The following C5orf63 variants were observed in gnomAD, a reference collection of about 807,000 sequenced individuals.
C5orf63 encodes chromosome 5 open reading frame 63.
In C5orf63, 18 loss-of-function variants were observed where a neutral mutation model predicts 13.3. The observed-to-expected ratio is 1.36, with a 90% confidence interval of 0.94 to 2.01. The LOEUF is 2.01. C5orf63 is among the 30% of genes most tolerant of loss of function. The pLI is 0.00. For missense variants in C5orf63, 118 were observed against 127.7 expected, an observed-to-expected ratio of 0.92 and a Z score of 0.36; for synonymous variants, 38 against 44.7, an observed-to-expected ratio of 0.85 and a Z score of 0.60.
rs1754549049 is a variant in C5orf63, at chr5:127,071,699, G to A, written c.-109-14C>T. 1 of 152,132 alleles carries A rather than the reference G, an allele frequency of 6.6e-6. No homozygotes were observed. The highest frequency in any genetic ancestry group is 2.1e-4 in the South Asian group (1 of 4,826). The allele number at this position is 152,132 out of a possible 1,614,324, so 9.4% of individuals were successfully genotyped here. On this transcript the variant is annotated splice_polypyrimidine_tract_variant and intron_variant, in intron 1 of 4. Coordinates refer to ENST00000296662, the MANE Select transcript of C5orf63 (RefSeq NM_001164478.2). ...TGATGTACAGTCCTTGAATAAAGCA[G>A]TAGCAAAAATTAGATTTAAATAAGG...
chr5:127,057,791 G>C (rs61544197), intron 3 of C5orf63, among the ~76,000 whole-genome samples: 15,600 of 152,174 alleles, frequency 0.1, 1,295 homozygotes, highest in African/African-American at 0.23. Flanking sequence ...TTTTCATGGT[G>C]TGCATAGTGC....
chr5:127,066,982 A>G (rs1389073702), intron 2 of C5orf63, among the ~76,000 whole-genome samples: 1 of 152,228 alleles, frequency 6.6e-6, no homozygotes, highest in Non-Finnish European at 1.5e-5. Flanking sequence ...GGGCTTGTCT[A>G]GAACAGGGAC....
chr5:127,051,588 C>A lies in C5orf63; in HGVS notation c.*183G>T. 8.0e-7 allele frequency: 1 copy of A among 1,249,830 alleles called. No individual in the cohort carries two copies. Among genetic ancestry groups the A allele is most frequent in the Non-Finnish European group, 1.0e-6 (1 of 997,904 alleles). The allele number at this position is 1,249,830 out of a possible 1,614,324, so 77.4% of individuals were successfully genotyped here. On this transcript the variant is annotated 3_prime_UTR_variant, in exon 5 of 5. Transcript: ENST00000296662. Reference sequence around the variant, plus strand: ...TCTTATTTTATAAAATGCCATTAAGCAAACAGTTCCCACACTGATACTTCC... The same window carrying A: ...TCTTATTTTATAAAATGCCATTAAGAAAACAGTTCCCACACTGATACTTCC...
downstream of C5orf63, among the ~76,000 whole-genome samples, chr5:127,049,150 C>T (rs896940396): frequency 1.3e-5 from 2 of 152,080 alleles, no homozygotes; most frequent in Non-Finnish European, 2.9e-5. Context: ...GGCCAGACAC[C>T]CCTGAGTAGT....
intron 3 of C5orf63, among the ~76,000 whole-genome samples, chr5:127,058,071 T>C (rs888122126): frequency 1.3e-5 from 2 of 152,166 alleles, no homozygotes; most frequent in Admixed American, 6.5e-5. Flanking sequence ...TTATTTTAGG[T>C]TCGGGGGTAC....
chr5:127,044,769 CTT>C (rs5871239), downstream of C5orf63: 9 of 127,884 alleles, frequency 7.0e-5, no homozygotes, highest in East Asian at 2.3e-4. Flanking sequence ...TCATTCTATG[CTT>C]TTTTTTTTTT....
intron 2 of C5orf63, among the ~76,000 whole-genome samples, chr5:127,068,355 G>A (rs148961757): frequency 1.4e-4 from 22 of 152,258 alleles, no homozygotes; most frequent in Admixed American, 7.8e-4. Context: ...CCAGGCAGAA[G>A]TGTAAAGATA....
chr5:127,054,362 A>T (rs1349288864), intron 3 of C5orf63, among the ~76,000 whole-genome samples: 7 of 152,202 alleles, frequency 4.6e-5, no homozygotes, highest in Non-Finnish European at 1.5e-5. Context: ...ACAGCATAAA[A>T]GCGTTCCTGT....
At chr5:127,048,759 C>T (rs998526093), downstream of C5orf63, among the ~76,000 whole-genome samples, 8 of 152,196 alleles carry the variant, frequency 5.3e-5, no homozygotes, top group Admixed American at 3.3e-4. Flanking sequence ...CACACTATAA[C>T]CACATGGTTA....
chr5:127,060,626 ACTTTCCCCTCC>A (rs1278092491), intron 2 of C5orf63, among the ~76,000 whole-genome samples: 5 of 152,246 alleles, frequency 3.3e-5, no homozygotes, highest in African/African-American at 9.6e-5. Context: ...TTCATCTATC[ACTTTCCCCTCC>A]CTTGCCTTGG....
chr5:127,059,737 AAAAAAAG>A (rs1754027536), intron 2 of C5orf63, among the ~76,000 whole-genome samples: 3 of 151,454 alleles, frequency 2.0e-5, no homozygotes, highest in African/African-American at 7.3e-5. Flanking sequence ...TCAAAAAAAA[AAAAAAAG>A]AAAAAGAAAA....
intron 4 of C5orf63, 141 bp from the exon 5 acceptor site, chr5:127,052,088 T>A: frequency 3.1e-6 from 2 of 642,416 alleles, no homozygotes; most frequent in Non-Finnish European, 4.8e-6. Context: ...AGTGATCTAA[T>A]GTCCCTGATT....
At position 127,051,597 on chromosome 5, in the gene C5orf63, C is replaced by T; in HGVS notation, c.*174G>A. 1 of 1,283,274 alleles carries T rather than the reference C, an allele frequency of 7.8e-7. No homozygotes were observed. The highest frequency in any genetic ancestry group is 9.8e-7 in the Non-Finnish European group (1 of 1,017,036). The allele number at this position is 1,283,274 out of a possible 1,614,324, so 79.5% of individuals were successfully genotyped here. On this transcript the variant is annotated 3_prime_UTR_variant, in exon 5 of 5. Transcript: ENST00000296662. ...ATAAAATGCCATTAAGCAAACAGTTCCCACACTGATACTTCCATCAACCAA... is the reference window on the plus strand; with the variant it reads ...ATAAAATGCCATTAAGCAAACAGTTTCCACACTGATACTTCCATCAACCAA...
At chr5:127,067,016 A>G (rs1435288725) in intron 2 of C5orf63, among the ~76,000 whole-genome samples, 1 of 152,208 alleles carries the variant, frequency 6.6e-6, no homozygotes, top group East Asian at 1.9e-4. Flanking sequence ...ACCACAAATC[A>G]GAAGAGATGC....
intron 3 of C5orf63, chr5:127,056,406 T>C (rs1290831475): frequency 6.5e-6 from 1 of 153,148 alleles, no homozygotes; most frequent in Non-Finnish European, 1.5e-5. Flanking sequence ...CAGTTCCACA[T>C]GGCTGGGGAG....
At chr5:127,042,636 A>T (rs1454848692), downstream of C5orf63, 2 of 151,276 alleles carry the variant, frequency 1.3e-5, no homozygotes, top group Admixed American at 6.6e-5. Flanking sequence ...ACCAGTCAGA[A>T]TATTAAAAAA....
intron 3 of C5orf63, chr5:127,058,612 G>A (rs1753978784): frequency 6.5e-6 from 2 of 307,516 alleles, no homozygotes; most frequent in Non-Finnish European, 1.2e-5. Flanking sequence ...ATTTCTAAAT[G>A]ATACATTTTT....
downstream of C5orf63, chr5:127,043,218 T>C (rs2126874781): frequency 6.6e-6 from 1 of 152,344 alleles, no homozygotes; most frequent in South Asian, 2.1e-4. Flanking sequence ...CTAAATTTTA[T>C]CTATTAAAGT....
At chr5:127,069,420 C>T (rs1337471090) in intron 2 of C5orf63, among the ~76,000 whole-genome samples, 1 of 152,142 alleles carries the variant, frequency 6.6e-6, no homozygotes, top group Admixed American at 6.5e-5. Context: ...GCACATAATC[C>T]CATTTCCAAA....
Sources: gnomAD v4.1 joint callset for allele counts (sites outside exome capture counted in the v4.1 genomes callset) on GRCh38, gnomAD v4.1.1 for gene constraint, MANE v1.5 for transcripts, NCBI Gene and HGNC (gene_info 2026-07-23, HGNC 2026-07-21) for gene names.